The following IL6ST variants were observed in gnomAD, a reference collection of about 807,000 sequenced individuals.
The protein encoded by IL6ST is interleukin-6 receptor subunit beta.
A neutral mutation model predicts 91.3 loss-of-function variants in IL6ST; 24 were observed. That is an observed-to-expected ratio of 0.26 (90% confidence interval 0.19 to 0.37). The LOEUF is 0.37. Ranked by LOEUF, IL6ST falls within the 10% of genes least tolerant of loss-of-function variation. The pLI is 1.00. For missense variants in IL6ST, 914 were observed against 1,078.5 expected (o/e 0.85, Z 2.14); for synonymous variants, 351 against 373.6 (o/e 0.94, Z 0.70).
At chr5:55,990,009 T>G (rs1754219938) in intron 1 of IL6ST, among the ~76,000 whole-genome samples, 1 of 152,134 alleles carries the variant, frequency 6.6e-6, no homozygotes, top group African/African-American at 2.4e-5. Context: ...AAAAAAAGAC[T>G]GAGCAGATCA....
At chr5:55,972,278 C>T (rs1160304551) in intron 3 of IL6ST, among the ~76,000 whole-genome samples, 1 of 152,000 alleles carries the variant, frequency 6.6e-6, no homozygotes, top group African/African-American at 2.4e-5. Context: ...TTTGGGAGGC[C>T]GAGGTGGGTG....
chr5:55,945,648 CTTTTTTTTTTT>C (rs70995749), intron 15 of IL6ST, among the ~76,000 whole-genome samples: 29 of 41,684 alleles, frequency 7.0e-4, no homozygotes, highest in East Asian at 9.1e-4. Context: ...AAAACTTATG[CTTTTTTTTTTT>C]TTTTTTTTTT....
chr5:55,948,345 G>A (rs1461504048), intron 14 of IL6ST, among the ~76,000 whole-genome samples: 1 of 151,986 alleles, frequency 6.6e-6, no homozygotes, highest in African/African-American at 2.4e-5. Context: ...ATTTTACTTA[G>A]TCTTTTACAG....
Position 55,940,953 on chromosome 5 carries a change from T to A in IL6ST, c.*129A>T. 4 of 892,980 alleles carry A rather than the reference T, an allele frequency of 4.5e-6. No individual in the cohort carries two copies. The highest frequency in any genetic ancestry group is 5.1e-6 in the Non-Finnish European group (3 of 584,422). 55.3% of individuals were successfully genotyped at this position (892,980 alleles called of 1,614,324 possible). On this transcript the variant is annotated 3_prime_UTR_variant, in exon 17 of 17. Coordinates refer to ENST00000381298, the MANE Select transcript of IL6ST (RefSeq NM_002184.4). ...ATAGCTCATGTGAAACTTCAGTTCATTTTTGTCCTTAAGGGCAAATGATCA... is the reference window on the plus strand; with the variant it reads ...ATAGCTCATGTGAAACTTCAGTTCAATTTTGTCCTTAAGGGCAAATGATCA...
In IL6ST at chr5:55,957,215, C is replaced by T. The variant is rs779271008; in HGVS notation, c.1050G>A (p.Val350=). Residue 350 remains valine (V), a synonymous_variant, in exon 9 of 17, where the codon GTG becomes GTA. Coordinates refer to ENST00000381298, the MANE Select transcript of IL6ST (RefSeq NM_002184.4). ...HTQGYRTVQL[V]WKTLPPFEAN... is the part of the protein sequence containing the mutation. ...TATAAATGTGATTTTTTACCTTCCA[C>T]ACGAGTTGTACAGTTCTGTAGCCTT... 6.8e-7 allele frequency: 1 copy of T among 1,479,952 alleles called. No individual in the cohort carries two copies. Among genetic ancestry groups the T allele is most frequent in the South Asian group, 1.3e-5 (1 of 78,114 alleles). The allele number at this position is 1,479,952 out of a possible 1,614,324, so 91.7% of individuals were successfully genotyped here.
At chr5:55,987,820 T>G (rs979411331) in intron 1 of IL6ST, among the ~76,000 whole-genome samples, 1 of 152,198 alleles carries the variant, frequency 6.6e-6, no homozygotes, top group African/African-American at 2.4e-5. Flanking sequence ...TTGCTGTTGC[T>G]GCCACAGGTA....
At chr5:55,962,637 G>A (rs1451523793) in intron 7 of IL6ST, among the ~76,000 whole-genome samples, 1 of 152,212 alleles carries the variant, frequency 6.6e-6, no homozygotes, top group African/African-American at 2.4e-5. Flanking sequence ...GAGACAATAT[G>A]TAAAGAAATG....
intron 2 of IL6ST, chr5:55,978,524 A>C (rs931374228): frequency 6.6e-6 from 1 of 152,192 alleles, no homozygotes; most frequent in Non-Finnish European, 1.5e-5. Context: ...TCAGGAGTTC[A>C]AGACCAGCCT....
At chr5:55,974,546 G>A (rs369825550) in intron 3 of IL6ST, among the ~76,000 whole-genome samples, 36 of 152,098 alleles carry the variant, frequency 2.4e-4, no homozygotes, top group African/African-American at 8.2e-4. Flanking sequence ...GTGCAGTGGT[G>A]CAATCTTGGC....
chr5:55,959,748 G>A (rs1428581693), intron 8 of IL6ST: 4 of 635,946 alleles, frequency 6.3e-6, no homozygotes, highest in African/African-American at 1.9e-5. Flanking sequence ...TAGTTTGCTA[G>A]ACAGTGTGGT....
rs181686261 is a variant in IL6ST, at chr5:55,957,785, T to C, written c.974-494A>G. Among the ~76,000 whole-genome samples, 37 of 152,158 alleles carry C rather than the reference T, an allele frequency of 2.4e-4. No homozygotes were observed. In the East Asian group the frequency reaches 7.1e-3, roughly 29 times the overall value. On this transcript the variant is annotated intron_variant, in intron 8 of 16. Transcript: ENST00000381298. ...TTAAATACCAGGTCTTCTAATTATA[T>C]TTATAAAAATTTTGAAAAATTAGTT...
At chr5:55,980,204 T>G (rs1379414341) in intron 2 of IL6ST, among the ~76,000 whole-genome samples, 1 of 152,212 alleles carries the variant, frequency 6.6e-6, no homozygotes, top group African/African-American at 2.4e-5. Flanking sequence ...CCTTGCAATG[T>G]TGACCATGTG....
chr5:55,974,203 T>C (rs539482115), intron 3 of IL6ST, among the ~76,000 whole-genome samples: 21 of 152,360 alleles, frequency 1.4e-4, no homozygotes, highest in Admixed American at 2.6e-4. Context: ...CGTTTATTTT[T>C]TTCATAAAGA....
In IL6ST at chr5:55,936,237, C is replaced by T. The variant is rs1750515700; in HGVS notation, c.*4845G>A. The stretch of plus-strand genomic sequence containing the variant: ...CATGTATCAATCTTGAACTTCAAGT[C>T]TCACTGCAACAAGGATGGAGACTCC... On this transcript the variant is annotated 3_prime_UTR_variant, in exon 17 of 17. Transcript: ENST00000381298. 1 of 226,548 alleles carries T rather than the reference C, an allele frequency of 4.4e-6. No homozygotes were observed. Among genetic ancestry groups the T allele is most frequent in the Non-Finnish European group, 8.8e-6 (1 of 114,084 alleles). 14.0% of individuals were successfully genotyped at this position (226,548 alleles called of 1,614,324 possible). A position where few individuals can be genotyped will look rare whatever the true frequency, so the allele number is the denominator to read the frequency against.
intron 3 of IL6ST, among the ~76,000 whole-genome samples, chr5:55,973,984 T>A (rs1426156354): frequency 1.3e-5 from 2 of 152,156 alleles, no homozygotes; most frequent in Admixed American, 1.3e-4. Flanking sequence ...TATATCCTAT[T>A]TAGGTAATAA....
At chr5:55,973,327 C>G (rs1353461896) in intron 3 of IL6ST, among the ~76,000 whole-genome samples, 1 of 152,158 alleles carries the variant, frequency 6.6e-6, no homozygotes, top group African/African-American at 2.4e-5. Flanking sequence ...GCATTTCCCC[C>G]AACCACATCA....
chr5:55,972,513 A>G (rs536377435), intron 3 of IL6ST, among the ~76,000 whole-genome samples: 20 of 151,990 alleles, frequency 1.3e-4, no homozygotes, highest in East Asian at 1.2e-3. Context: ...TTCAGTCTCG[A>G]AAAAAAAGGG....
At chr5:55,960,275 T>C (rs1477709915) in intron 8 of IL6ST, 127 bp downstream of exon 8, 1 of 706,038 alleles carries the variant, frequency 1.4e-6, no homozygotes, top group East Asian at 2.6e-5. Context: ...AATTAAAACG[T>C]TAAAATACTG....
rs1554022457 is a variant in IL6ST, at chr5:55,940,123, A to ATATGTGTGTG, written c.*949_*958dup. The ATATGTGTGTG allele has an allele frequency of 3.7e-5, 2 of 53,750 alleles. No individual in the cohort carries two copies. The highest frequency in any genetic ancestry group is 6.3e-5 in the Non-Finnish European group (2 of 31,886). The allele number at this position is 53,750 out of a possible 1,614,324, so 3.3% of individuals were successfully genotyped here. On this transcript the variant is annotated 3_prime_UTR_variant, in exon 17 of 17. Coordinates refer to ENST00000381298, the MANE Select transcript of IL6ST (RefSeq NM_002184.4). Reference sequence around the variant, plus strand: ...TCTGAAGTCTTAAGAAAAGTCAATGATATGTGTGTGTATATATATATATAT... The same window carrying ATATGTGTGTG: ...TCTGAAGTCTTAAGAAAAGTCAATGATATGTGTGTGTATGTGTGTGTATATATATATATAT...
Sources: gnomAD v4.1 joint callset for allele counts (sites outside exome capture counted in the v4.1 genomes callset) on GRCh38, gnomAD v4.1.1 for gene constraint, MANE v1.5 for transcripts, NCBI Gene and HGNC (gene_info 2026-07-23, HGNC 2026-07-21) for gene names.